COL16A1: variants seen among roughly 807,000 people sequenced by gnomAD.
COL16A1 encodes the protein collagen type XVI alpha 1 chain.
In COL16A1, 189 loss-of-function variants were observed where a neutral mutation model predicts 266.3. The observed-to-expected ratio is 0.71, with a 90% CI of 0.63 to 0.80. The LOEUF (loss-of-function observed/expected upper bound fraction) is 0.80, where lower values mean the gene tolerates loss of function less well. COL16A1 is among the 30% of genes least tolerant of loss of function. COL16A1 has a pLI of 0.00. For synonymous variants in COL16A1, 740 were observed against 782.3 expected (o/e 0.95, Z 0.90); for missense variants, 1,928 against 2,122.4 (o/e 0.91, Z 1.80).
At chr1:31,662,723 A>T (rs1381655541) in intron 56 of COL16A1, 65 bp from the exon 57 acceptor site, 43 of 1,260,512 alleles carry the variant, frequency 3.4e-5, no homozygotes, top group Non-Finnish European at 4.3e-5. Context: ...TGCCCCACCC[A>T]TGGAGACCAG....
rs77728308 is a variant in COL16A1 at position 31,661,528 on chromosome 1, T to C, written c.3727-70A>G. 3.5e-4 allele frequency: 568 copies of C among 1,613,502 alleles called. 2 individuals carry two copies. In the African/African-American group the frequency reaches 6.7e-3, roughly 19 times the overall value. On this transcript the variant is annotated intron_variant, in intron 59 of 70. Coordinates refer to ENST00000373672, the MANE Select transcript of COL16A1 (RefSeq NM_001856.4). ...GGGGCCTCTTCCCACTCCTCCTTCC[T>C]CAGTTCAAACAATTCAAACCAATCC...
chr1:31,658,526 G>A lies in COL16A1; in HGVS notation c.3982C>T (p.Pro1328Ser). The change falls in exon 64 of 71, where the codon CCA becomes TCA. Residue 1328 changes from proline to serine, a missense_variant. By Grantham distance (74) the Pro-to-Ser change is moderately conservative. This residue lies in a region of COL16A1 where 376 missense variants were observed against 485.2 expected (regional missense o/e 0.77). Transcript: ENST00000373672. ...TGTCCAGGGGGGCCGGGCTGGCCTGGGAGGCCTGCAAGGCCCCTTTCTCCG... is the reference window on the plus strand; with the variant it reads ...TGTCCAGGGGGGCCGGGCTGGCCTGAGAGGCCTGCAAGGCCCCTTTCTCCG... ...ATGERGLAGL[P>S]GQPGPPGHPG... is the part of the protein sequence containing the mutation. 1.2e-6 allele frequency: 2 copies of A among 1,605,700 alleles called. No individual in the cohort carries two copies. The highest frequency in any genetic ancestry group is 1.7e-6 in the Non-Finnish European group (2 of 1,176,994).
At chr1:31,666,627 C>T (rs1642167565) in intron 52 of COL16A1, among the ~76,000 whole-genome samples, 1 of 152,052 alleles carries the variant, frequency 6.6e-6, no homozygotes, top group East Asian at 1.9e-4. Flanking sequence ...GTCCCCTGAA[C>T]CCTTGCCAAA....
At chr1:31,660,067 C>T (rs80272918) in intron 62 of COL16A1, 3,877 of 143,294 alleles carry the variant, frequency 0.027, 79 homozygotes, top group Non-Finnish European at 0.035. Context: ...CCAGTATCTT[C>T]GCTTTTCTCT....
intron 11 of COL16A1, 49 bp from the exon 12 acceptor site, chr1:31,694,219 C>T: frequency 6.6e-7 from 1 of 1,522,666 alleles, no homozygotes. Flanking sequence ...AGAGAGAAAA[C>T]CAGGGGCCCA....
In COL16A1 at chr1:31,698,966, G is replaced by A. The variant is rs902643603; in HGVS notation, c.267-360C>T. ...AAAAATTCGCCAGGTGTAGTGGCAG[G>A]CGCCTGTAATCCCAGCTACCCGGGA... is the stretch of plus-strand genomic sequence containing the variant. On this transcript the variant is annotated intron_variant, in intron 4 of 70. Transcript: ENST00000373672. This position sits in a 1 kb window ranked among gnomAD's most constrained non-coding sequence, Gnocchi z 4.1. Among the ~76,000 whole-genome samples, 2 of 152,066 alleles carry A rather than the reference G, an allele frequency of 1.3e-5. No homozygotes were observed. Among genetic ancestry groups the A allele is most frequent in the African/African-American group, 4.8e-5 (2 of 41,400 alleles).
intron 54 of COL16A1, 129 bp from the exon 55 acceptor site, chr1:31,665,747 G>A: frequency 6.3e-7 from 1 of 1,592,434 alleles, no homozygotes; most frequent in Non-Finnish European, 8.6e-7. Context: ...GCCCACCATG[G>A]CTGGCAGGTG....
At position 31,697,006 on chromosome 1, in the gene COL16A1, A is replaced by G; in HGVS notation, c.821T>C (p.Val274Ala). Reference sequence around the variant, plus strand: ...CTCCAGGCAGAAGCAGCGGGTGTAGACCTTGCCTTCAGACTGTGGATTGAT... The same window carrying G: ...CTCCAGGCAGAAGCAGCGGGTGTAGGCCTTGCCTTCAGACTGTGGATTGAT... ...IEINPQSEGK[V>A]YTRCFCLEEP... Residue 274 changes from valine (V) to alanine (A), a missense_variant, in exon 8 of 71, where the codon GTC becomes GCC. Around this residue, in one of 2 missense-constraint regions of COL16A1, gnomAD observed 1,552 missense variants for 1,637.2 expected, o/e 0.95. Transcript: ENST00000373672. The surrounding 1 kb of genome is among the most constrained non-coding windows in gnomAD (Gnocchi z 4.2). 1 of 1,614,088 alleles carries G rather than the reference A, an allele frequency of 6.2e-7. No homozygotes were observed. Among genetic ancestry groups the G allele is most frequent in the Non-Finnish European group, 8.5e-7 (1 of 1,180,008 alleles).
intron 33 of COL16A1, 29 bp downstream of exon 33, chr1:31,683,921 C>CGTGGCAG (rs1557663890): frequency 1.2e-6 from 2 of 1,613,918 alleles, no homozygotes; most frequent in South Asian, 2.2e-5. Context: ...CACGTAGCTA[C>CGTGGCAG]GGCCCAGGGC....
chr1:31,691,216 C>A lies in COL16A1; in HGVS notation c.1409G>T (p.Gly470Val), dbSNP rs201686329. 145 of 1,613,914 alleles carry A rather than the reference C, an allele frequency of 9.0e-5. No homozygotes were observed. Among genetic ancestry groups the A allele is most frequent in the Non-Finnish European group, 8.5e-6 (10 of 1,179,962 alleles). ...IGLPGTPGDP[G>V]GPPGPKGDKG... ...GTCTCCCTTGGGGCCTGGTGGGCCACCTGGATCCCCCTGAGGGCAGAAACA... is the reference window on the plus strand; with the variant it reads ...GTCTCCCTTGGGGCCTGGTGGGCCAACTGGATCCCCCTGAGGGCAGAAACA... The change falls in exon 20 of 71, where the codon GGT becomes GTT. Residue 470 changes from glycine to valine, a missense_variant. Coordinates refer to ENST00000373672, the MANE Select transcript of COL16A1 (RefSeq NM_001856.4).
At chr1:31,692,368 T>G in intron 16 of COL16A1, 106 bp downstream of exon 16, 1 of 1,483,506 alleles carries the variant, frequency 6.7e-7, no homozygotes, top group Non-Finnish European at 9.0e-7. Context: ...GCCAGCTCTG[T>G]GCCCACTGAC....
intron 56 of COL16A1, 49 bp from the exon 57 acceptor site, chr1:31,662,707 G>A (rs537962423): frequency 2.7e-6 from 4 of 1,484,294 alleles, no homozygotes; most frequent in African/African-American, 3.3e-5. Flanking sequence ...AAAGTCAGCA[G>A]GGCTTTGCCC....
intron 63 of COL16A1, 82 bp downstream of exon 63, chr1:31,658,832 C>G (rs1029838674): frequency 6.7e-7 from 1 of 1,482,506 alleles, no homozygotes. Context: ...TTCTCCATCC[C>G]CCCAGCTTCC....
intron 36 of COL16A1, 44 bp from the exon 37 acceptor site, chr1:31,683,046 G>A: frequency 6.2e-7 from 1 of 1,613,330 alleles, no homozygotes; most frequent in Non-Finnish European, 8.5e-7. Flanking sequence ...AGAATTGGAA[G>A]CCAGCTACAA....
At chr1:31,684,316 G>T in intron 31 of COL16A1, 85 bp from the exon 32 acceptor site, 3 of 1,447,388 alleles carry the variant, frequency 2.1e-6, no homozygotes, top group Non-Finnish European at 2.7e-6. Flanking sequence ...TGAACACTCT[G>T]CCCCTTGAAT....
rs751170652 is a variant in COL16A1 at position 31,654,046 on chromosome 1, G to GT, written c.4358-4dup. On this transcript the variant is annotated splice_region_variant and splice_polypyrimidine_tract_variant and intron_variant, in intron 68 of 70. Transcript: ENST00000373672. ...GGAGGTGTAGTAAGCCATTCTCTCT[G>GT]TAAAAAAAGGACAAGGACAGGGACA... 1 of 1,610,808 alleles carries GT rather than the reference G, an allele frequency of 6.2e-7. No homozygotes were observed. The highest frequency in any genetic ancestry group is 2.2e-5 in the East Asian group (1 of 44,870).
chr1:31,685,578 C>T lies in COL16A1; in HGVS notation c.2016+61G>A. 4 of 1,570,464 alleles carry T rather than the reference C, an allele frequency of 2.5e-6. No homozygotes were observed. The Admixed American group carries it at 5.2e-5, about 20-fold the overall frequency. ...TCAAGAGACCCAGGCAGGACCCCTC[C>T]CCTCTCCTTAGCCCCGCCTGCATCC... is the stretch of plus-strand genomic sequence containing the variant. On this transcript the variant is annotated intron_variant, in intron 29 of 70. Coordinates refer to ENST00000373672, the MANE Select transcript of COL16A1 (RefSeq NM_001856.4). The surrounding 1 kb of genome is among the most constrained non-coding windows in gnomAD (Gnocchi z 4.0).
rs770695601 is a variant in COL16A1 at position 31,681,094 on chromosome 1, G to T, written c.2539-27C>A. The T allele has an allele frequency of 3.1e-6, 5 of 1,598,666 alleles. No individual in the cohort carries two copies. The South Asian group carries it at 4.5e-5, about 14-fold the overall frequency. ...TGAAGAGAGAGAGCCCAGAGTCAGAGGGTGAGACTGGGCAGCGGCCAGCCA... is the reference window on the plus strand; with the variant it reads ...TGAAGAGAGAGAGCCCAGAGTCAGATGGTGAGACTGGGCAGCGGCCAGCCA... On this transcript the variant is annotated intron_variant, in intron 37 of 70. Transcript: ENST00000373672.
At chr1:31,689,674 A>G (rs1474338939) in intron 23 of COL16A1, 67 bp downstream of exon 23, 1 of 1,314,254 alleles carries the variant, frequency 7.6e-7, no homozygotes, top group Non-Finnish European at 1.1e-6. Context: ...ATTCCTCTCT[A>G]TGATCATGTC....
Sources: allele counts gnomAD v4.1 joint callset (sites outside exome capture counted in the v4.1 genomes callset), GRCh38; gene constraint gnomAD v4.1.1; regional missense constraint gnomAD v4.1.1; non-coding constraint Gnocchi (gnomAD v3.1); transcripts MANE v1.5; gene names NCBI Gene and HGNC (gene_info 2026-07-23, HGNC 2026-07-21).